The following GRK5 variants were observed in gnomAD, a reference collection of about 807,000 sequenced individuals.
GRK5 encodes G protein-coupled receptor kinase 5, also known as g protein-coupled receptor kinase GRK5.
A neutral mutation model predicts 78.4 loss-of-function variants in GRK5; 40 were observed. The ratio of observed to expected loss-of-function variants is 0.51; its 90% confidence interval spans 0.40 to 0.66. The LOEUF is 0.66. GRK5 is among the 30% of genes least tolerant of loss of function. GRK5 has a pLI of 0.00. For synonymous variants in GRK5, 289 were observed against 296.8 expected, an observed-to-expected ratio of 0.97 and a Z score of 0.27; for missense variants, 598 against 759.9, an observed-to-expected ratio of 0.79 and a Z score of 2.50.
At chr10:119,420,616 TTGCCTAGGCTGTAG>T (rs1852553324) in intron 4 of GRK5, among the ~76,000 whole-genome samples, 1 of 151,636 alleles carries the variant, frequency 6.6e-6, no homozygotes, top group African/African-American at 2.4e-5. Context: ...TCTCACCGTG[TTGCCTAGGCTGTAG>T]TGCAGTGGTG....
intron 1 of GRK5, among the ~76,000 whole-genome samples, chr10:119,286,386 GT>G (rs1849847148): frequency 6.6e-6 from 1 of 152,220 alleles, no homozygotes; most frequent in Admixed American, 6.5e-5. Flanking sequence ...GAAAAAGAGT[GT>G]TTTTGTATGT....
intron 1 of GRK5, among the ~76,000 whole-genome samples, chr10:119,284,396 C>T (rs1849813628): frequency 6.6e-6 from 1 of 152,090 alleles, no homozygotes; most frequent in African/African-American, 2.4e-5. Flanking sequence ...CCTTGACCTC[C>T]CAAAGTGCTG....
chr10:119,245,744 G>A (rs1354131940), intron 1 of GRK5, among the ~76,000 whole-genome samples: 2 of 152,086 alleles, frequency 1.3e-5, no homozygotes, highest in African/African-American at 2.4e-5. Context: ...AAGGCCGGGC[G>A]CGGTGGCTCA....
At position 119,347,094 on chromosome 10, in the gene GRK5, G is replaced by C. The variant is rs542270845; in HGVS notation, c.148+20483G>C. On this transcript the variant is annotated intron_variant, in intron 2 of 15. Transcript: ENST00000392870. ...GGCCGGCACCTGGTTTATCTGAGAGGGCCTGGGCTCATGCACTCTGTTGCC... is the reference window on the plus strand; with the variant it reads ...GGCCGGCACCTGGTTTATCTGAGAGCGCCTGGGCTCATGCACTCTGTTGCC... Among the ~76,000 whole-genome samples the C allele has an allele frequency of 2.0e-5, 3 of 152,216 alleles. No individual in the cohort carries two copies. The East Asian group carries it at 5.8e-4, about 29-fold the overall frequency.
Position 119,222,860 on chromosome 10 carries a change from T to C in GRK5, c.52+14891T>C, listed in dbSNP as rs151328635. ...TCCTTCCTTCCGCAAAGAAGGGATC[T>C]GAGGGCCAAAAGGGGCCCGCATGGG... On this transcript the variant is annotated intron_variant, in intron 1 of 15. Coordinates refer to ENST00000392870, the MANE Select transcript of GRK5 (RefSeq NM_005308.3). Among the ~76,000 whole-genome samples the C allele has an allele frequency of 5.8e-3, 877 of 152,322 alleles. 10 individuals carry two copies. The highest frequency in any genetic ancestry group is 0.02 in the African/African-American group (845 of 41,578).
At chr10:119,359,828 G>T (rs529644212) in intron 2 of GRK5, among the ~76,000 whole-genome samples, 3 of 152,194 alleles carry the variant, frequency 2.0e-5, no homozygotes, top group Admixed American at 6.5e-5. Flanking sequence ...ATGTTCCCGG[G>T]GGGGAGGTGT....
chr10:119,315,227 C>T (rs915061896), intron 1 of GRK5, among the ~76,000 whole-genome samples: 3 of 152,154 alleles, frequency 2.0e-5, no homozygotes, highest in African/African-American at 7.2e-5. Context: ...GAGAAAGTAC[C>T]CTACAGGCTG....
chr10:119,437,431 G>T (rs751484354), intron 9 of GRK5, among the ~76,000 whole-genome samples: 2 of 152,192 alleles, frequency 1.3e-5, no homozygotes, highest in Non-Finnish European at 2.9e-5. Flanking sequence ...CCTTCTGAAA[G>T]AATTTTGAAA....
intron 3 of GRK5, among the ~76,000 whole-genome samples, chr10:119,385,950 T>G (rs1851787162): frequency 1.3e-5 from 2 of 152,008 alleles, no homozygotes; most frequent in Admixed American, 1.3e-4. Flanking sequence ...AGTGGTGTGA[T>G]CTCAGGTCAC....
intron 1 of GRK5, among the ~76,000 whole-genome samples, chr10:119,298,922 T>G (rs770891496): frequency 5.3e-5 from 8 of 152,154 alleles, no homozygotes; most frequent in Non-Finnish European, 8.8e-5. Flanking sequence ...TGACTCTCCC[T>G]GCAGACTTTC....
rs368975819 is a variant in GRK5, at chr10:119,216,088, GCA to G, written c.52+8123_52+8124del. On this transcript the variant is annotated intron_variant, in intron 1 of 15. Coordinates refer to ENST00000392870, the MANE Select transcript of GRK5 (RefSeq NM_005308.3). ...TGAAACATTTTAACAATAACTCAGA[GCA>G]CACTTAGAAAGAAAGTGTTTGAAAC... 2.9e-3 allele frequency among the ~76,000 whole-genome samples: 442 copies of G among 152,290 alleles called. 3 individuals carry two copies. Among genetic ancestry groups the G allele is most frequent in the South Asian group, 0.017 (83 of 4,828 alleles).
intron 1 of GRK5, among the ~76,000 whole-genome samples, chr10:119,296,154 G>A (rs929687307): frequency 2.6e-5 from 4 of 152,168 alleles, no homozygotes; most frequent in African/African-American, 9.7e-5. Context: ...CAGCATCCTC[G>A]ACATATTGGC....
At chr10:119,295,519 C>T (rs1330110421) in intron 1 of GRK5, among the ~76,000 whole-genome samples, 1 of 152,068 alleles carries the variant, frequency 6.6e-6, no homozygotes, top group African/African-American at 2.4e-5. Flanking sequence ...GTTGCACACG[C>T]ATATTTATAG....
At chr10:119,241,034 C>G (rs991427091) in intron 1 of GRK5, among the ~76,000 whole-genome samples, 3 of 152,218 alleles carry the variant, frequency 2.0e-5, no homozygotes, top group Non-Finnish European at 2.9e-5. Context: ...CTGGGGGCCA[C>G]TTGTTCTCTC....
chr10:119,311,789 A>G (rs75566032), intron 1 of GRK5, among the ~76,000 whole-genome samples: 5 of 143,430 alleles, frequency 3.5e-5, no homozygotes, highest in Admixed American at 2.7e-4. Flanking sequence ...ACTGTCTCCA[A>G]AAAAAAAAAA....
chr10:119,392,084 T>G (rs1235940906), intron 3 of GRK5, among the ~76,000 whole-genome samples: 4 of 152,210 alleles, frequency 2.6e-5, no homozygotes, highest in African/African-American at 9.7e-5. Flanking sequence ...TGTGTCTTCA[T>G]AGCCAGGACA....
At chr10:119,373,871 G>A (rs1024126160) in intron 2 of GRK5, among the ~76,000 whole-genome samples, 3 of 152,162 alleles carry the variant, frequency 2.0e-5, no homozygotes, top group South Asian at 2.1e-4. Flanking sequence ...GCAATAATAC[G>A]AGTGTGCCTG....
chr10:119,213,898 G>T (rs1848527799), intron 1 of GRK5, among the ~76,000 whole-genome samples: 1 of 152,208 alleles, frequency 6.6e-6, no homozygotes, highest in Non-Finnish European at 1.5e-5. Context: ...TCGGGTGTCA[G>T]CCTCAGATAA....
intron 2 of GRK5, among the ~76,000 whole-genome samples, chr10:119,331,568 T>C (rs1481912847): frequency 6.6e-6 from 1 of 152,262 alleles, no homozygotes; most frequent in Non-Finnish European, 1.5e-5. Flanking sequence ...TTTGGGAGGA[T>C]GTCCTGGGAC....
Sources: allele counts gnomAD v4.1 joint callset (sites outside exome capture counted in the v4.1 genomes callset), GRCh38; gene constraint gnomAD v4.1.1; transcripts MANE v1.5; gene names NCBI Gene and HGNC (gene_info 2026-07-23, HGNC 2026-07-21).